ANK3: variants seen among roughly 807,000 people sequenced by gnomAD.
ANK3 encodes ankyrin 3.
In ANK3, 57 loss-of-function variants were observed where a neutral mutation model predicts 370.9. The ratio of observed to expected loss-of-function variants is 0.15; its 90% CI spans 0.12 to 0.19. The LOEUF is 0.19. Ranked by LOEUF, ANK3 falls within the 10% of genes least tolerant of loss-of-function variation. The probability of loss-of-function intolerance (pLI) is 1.00; values close to 1 mark genes in which losing one functional copy is unlikely to be tolerated. For missense variants in ANK3, 4,439 were observed against 5,302.1 expected (o/e 0.84, Z 5.06); for synonymous variants, 1,929 against 1,946.3 (o/e 0.99, Z 0.23).
intron 7 of ANK3, among the ~76,000 whole-genome samples, chr10:60,239,882 T>C (rs1025520649): frequency 1.3e-5 from 2 of 151,904 alleles, no homozygotes; most frequent in African/African-American, 4.8e-5. Context: ...CTGTGATAAG[T>C]TAATGACATG....
At chr10:60,569,406 C>A (rs1228393516) in intron 2 of ANK3, among the ~76,000 whole-genome samples, 3 of 152,190 alleles carry the variant, frequency 2.0e-5, no homozygotes, top group Admixed American at 1.3e-4. Flanking sequence ...CTATTCAAGA[C>A]AAGATATCAA....
intron 2 of ANK3, among the ~76,000 whole-genome samples, chr10:60,596,497 T>C (rs80063023): frequency 6.6e-6 from 1 of 152,292 alleles, no homozygotes; most frequent in Non-Finnish European, 1.5e-5. Flanking sequence ...CTCTTATTTT[T>C]AATATTGTGT....
intron 1 of ANK3, among the ~76,000 whole-genome samples, chr10:60,627,409 A>C (rs2078426372): frequency 7.2e-6 from 1 of 139,004 alleles, no homozygotes; most frequent in Non-Finnish European, 1.6e-5. Flanking sequence ...TAAAAAAAAG[A>C]TAAAAAATAA....
At position 60,072,580 on chromosome 10, in the gene ANK3, C is replaced by T. The variant is rs202183299; in HGVS notation, c.8301G>A (p.Gln2767=). The T allele has an allele frequency of 3.1e-6, 5 of 1,613,554 alleles. No individual in the cohort carries two copies. Among genetic ancestry groups the T allele is most frequent in the South Asian group, 1.1e-5 (1 of 90,936 alleles). Residue 2767 remains glutamine (Q), a synonymous_variant, in exon 37 of 44, where the codon CAG becomes CAA. Transcript: ENST00000280772. ...PVYQVFAREK[Q]QKAIDLPDES... ...CATCTGGGAGGTCTATGGCCTTCTG[C>T]TGTTTTTCTCTAGCAAAAACTTGGT...
At chr10:60,138,323 A>G (rs2094439160) in intron 24 of ANK3, among the ~76,000 whole-genome samples, 1 of 152,218 alleles carries the variant, frequency 6.6e-6, no homozygotes, top group Admixed American at 6.5e-5. Context: ...TAGTTTAAGA[A>G]AAGTTTGAGT....
At chr10:60,038,988 G>A (rs980663645) in intron 43 of ANK3, among the ~76,000 whole-genome samples, 1 of 152,188 alleles carries the variant, frequency 6.6e-6, no homozygotes, top group Non-Finnish European at 1.5e-5. Context: ...TAGCCCCAAA[G>A]TCTAAGTACA....
At chr10:60,083,999 T>C (rs535772022) in intron 32 of ANK3, 27 of 159,006 alleles carry the variant, frequency 1.7e-4, no homozygotes, top group Non-Finnish European at 3.1e-4. Context: ...GTAATGTGTA[T>C]AAACAGTGAT....
At chr10:60,558,124 A>G (rs1595274874) in intron 2 of ANK3, among the ~76,000 whole-genome samples, 1 of 152,122 alleles carries the variant, frequency 6.6e-6, no homozygotes, top group Admixed American at 6.5e-5. Flanking sequence ...CCTATTACCC[A>G]TTGCTTTGAA....
At chr10:60,114,849 ACT>A (rs1271129252) in intron 25 of ANK3, among the ~76,000 whole-genome samples, 2 of 151,984 alleles carry the variant, frequency 1.3e-5, no homozygotes, top group Non-Finnish European at 2.9e-5. Context: ...GAACTACCAA[ACT>A]CTGGGAGGGT....
chr10:60,380,140 A>G (rs1395513484), intron 1 of ANK3, among the ~76,000 whole-genome samples: 1 of 152,208 alleles, frequency 6.6e-6, no homozygotes, highest in Non-Finnish European at 1.5e-5. Flanking sequence ...ATACATTTCC[A>G]GTAAATGAAG....
chr10:60,200,824 G>C (rs771949883), intron 12 of ANK3, among the ~76,000 whole-genome samples: 1 of 152,272 alleles, frequency 6.6e-6, no homozygotes, highest in East Asian at 1.9e-4. Context: ...GTCAACAGCC[G>C]GTTTGCATTT....
At chr10:60,308,742 T>C (rs1035428522) in intron 1 of ANK3, among the ~76,000 whole-genome samples, 2 of 152,112 alleles carry the variant, frequency 1.3e-5, no homozygotes, top group Non-Finnish European at 2.9e-5. Flanking sequence ...ATACACTGTC[T>C]AGGCAGGGGC....
chr10:60,430,898 C>T (rs1374990256), intron 2 of ANK3, among the ~76,000 whole-genome samples: 1 of 152,124 alleles, frequency 6.6e-6, no homozygotes, highest in African/African-American at 2.4e-5. Context: ...TTAGCCTCTT[C>T]ATCTATAACA....
chr10:60,389,805 G>A lies in ANK3; in HGVS notation c.-267C>T. On this transcript the variant is annotated 5_prime_UTR_variant, in exon 1 of 44. Transcript: ENST00000280772. The stretch of plus-strand genomic sequence containing the variant: ...GCCATCGTAATGCATTTACCGTAGT[G>A]AAGAAGACAGCTGGGACAGAGGAAG... 4.0e-6 allele frequency: 5 copies of A among 1,245,826 alleles called. No homozygotes were observed. The highest frequency in any genetic ancestry group is 1.0e-6 in the Non-Finnish European group (1 of 990,826). 77.2% of individuals were successfully genotyped at this position (1,245,826 alleles called of 1,614,324 possible). A position where few individuals can be genotyped will look rare whatever the true frequency, so the allele number is the denominator to read the frequency against.
chr10:60,209,074 G>A (rs2096808615), intron 9 of ANK3, among the ~76,000 whole-genome samples: 1 of 152,152 alleles, frequency 6.6e-6, no homozygotes, highest in African/African-American at 2.4e-5. Flanking sequence ...CACTCAATAT[G>A]TTTCCTAATG....
At chr10:60,419,589 A>C (rs2063737426) in intron 2 of ANK3, among the ~76,000 whole-genome samples, 1 of 152,190 alleles carries the variant, frequency 6.6e-6, no homozygotes. Flanking sequence ...AAAGACAAGA[A>C]TGTCAGAAGC....
Position 60,523,447 on chromosome 10 carries a change from G to A in ANK3, c.96+91739C>T, listed in dbSNP as rs181120640. 4.6e-3 allele frequency among the ~76,000 whole-genome samples: 621 copies of A among 134,096 alleles called. 2 individuals are homozygous for A. The highest frequency in any genetic ancestry group is 0.015 in the Middle Eastern group (3 of 198). The allele number at this position is 134,096 out of a possible 152,430, so 88.0% of individuals were successfully genotyped here. On this transcript the variant is annotated intron_variant, in intron 2 of 43. Transcript: ENST00000373827. ...GATGTTCCCCTTCTTGTGTCCATGT[G>A]TTCTCATTGTTCAATTCCCACCTAT...
intron 23 of ANK3, chr10:60,140,522 T>C: frequency 6.7e-7 from 1 of 1,492,704 alleles, no homozygotes; most frequent in Non-Finnish European, 8.9e-7. Flanking sequence ...AGCATCTTGA[T>C]ATCCTCGTAG....
chr10:60,092,593 T>C (rs1016465091), intron 28 of ANK3, among the ~76,000 whole-genome samples: 3 of 152,310 alleles, frequency 2.0e-5, no homozygotes, highest in Admixed American at 2.0e-4. Flanking sequence ...AGAACTATTT[T>C]CTTCTTTAAT....
Sources: gnomAD v4.1 joint callset for allele counts (sites outside exome capture counted in the v4.1 genomes callset) on GRCh38, gnomAD v4.1.1 for gene constraint, MANE v1.5 for transcripts, NCBI Gene and HGNC (gene_info 2026-07-23, HGNC 2026-07-21) for gene names.